Variants in CCDC38 observed in about 807,000 individuals in gnomAD.
CCDC38 encodes the protein coiled-coil domain-containing protein 38.
In CCDC38, 69 loss-of-function variants were observed where a neutral mutation model predicts 72.8. That is an observed-to-expected ratio of 0.95 (90% CI 0.78 to 1.16). The LOEUF (loss-of-function observed/expected upper bound fraction) is 1.16, where lower values mean the gene tolerates loss of function less well. Among genes scored for constraint, CCDC38 ranks in the 50% most tolerant of loss-of-function variants. The probability of loss-of-function intolerance (pLI) is 0.00; values close to 1 mark genes in which losing one functional copy is unlikely to be tolerated. For synonymous variants in CCDC38, 201 were observed against 213.2 expected (o/e 0.94, Z 0.50); for missense variants, 626 against 638.9 (o/e 0.98, Z 0.22).
intron 4 of CCDC38, among the ~76,000 whole-genome samples, chr12:95,914,987 G>A (rs1406340095): frequency 6.6e-6 from 1 of 152,132 alleles, no homozygotes; most frequent in Non-Finnish European, 1.5e-5. Context: ...AAGAATGAAA[G>A]TGCTTACTGT....
chr12:95,929,936 A>G (rs1213454451), intron 2 of CCDC38, among the ~76,000 whole-genome samples: 3 of 151,792 alleles, frequency 2.0e-5, no homozygotes, highest in African/African-American at 4.8e-5. Context: ...GATAATTCCA[A>G]CCTCTGCCTC....
intron 7 of CCDC38, chr12:95,896,433 A>C (rs566853833): frequency 4.6e-5 from 7 of 152,328 alleles, no homozygotes; most frequent in African/African-American, 1.7e-4. Flanking sequence ...CTTTATCTGA[A>C]AGATATCAAT....
chr12:95,894,383 T>C (rs2079863121), intron 8 of CCDC38, among the ~76,000 whole-genome samples: 1 of 152,208 alleles, frequency 6.6e-6, no homozygotes, highest in Non-Finnish European at 1.5e-5. Flanking sequence ...ATTTTCTCTT[T>C]CCCCATGCAT....
chr12:95,912,146 T>C (rs1271480923), intron 4 of CCDC38, among the ~76,000 whole-genome samples: 2 of 152,162 alleles, frequency 1.3e-5, no homozygotes, highest in Non-Finnish European at 2.9e-5. Flanking sequence ...TTCTCACTTA[T>C]AAGTGGGAGC....
chr12:95,912,093 C>T (rs1430114135), intron 4 of CCDC38, among the ~76,000 whole-genome samples: 1 of 152,178 alleles, frequency 6.6e-6, no homozygotes, highest in Non-Finnish European at 1.5e-5. Context: ...AAGTCATTCT[C>T]CTAAGTGAAT....
At chr12:95,867,791 C>T (rs969106733) in intron 15 of CCDC38, among the ~76,000 whole-genome samples, 1 of 152,072 alleles carries the variant, frequency 6.6e-6, no homozygotes, top group South Asian at 2.1e-4. Context: ...CCCTCCTCCA[C>T]TTTTTATTTT....
chr12:95,879,146 CT>C lies in CCDC38; in HGVS notation c.1142+497del, dbSNP rs1266394082. Among the ~76,000 whole-genome samples the C allele has an allele frequency of 6.6e-6, 1 of 152,164 alleles. No homozygotes were observed. Among genetic ancestry groups the C allele is most frequent in the African/African-American group, 2.4e-5 (1 of 41,440 alleles). On this transcript the variant is annotated intron_variant, in intron 12 of 15. Transcript: ENST00000344280. The surrounding 1 kb of genome is among the most constrained non-coding windows in gnomAD (Gnocchi z 5.5). ...TTTTGTGAGGGATCAAATCCAGCTG[CT>C]TTCCCCTGACAGAAATCCTTTCTAT...
intron 13 of CCDC38, among the ~76,000 whole-genome samples, chr12:95,872,902 A>T (rs1335386558): frequency 6.6e-6 from 1 of 152,232 alleles, no homozygotes; most frequent in Non-Finnish European, 1.5e-5. Flanking sequence ...ATCATTGAGA[A>T]AATGCAGCAG....
intron 11 of CCDC38, among the ~76,000 whole-genome samples, chr12:95,881,033 C>T (rs980143965): frequency 6.6e-6 from 1 of 151,980 alleles, no homozygotes; most frequent in Non-Finnish European, 1.5e-5. Flanking sequence ...TAATATACAA[C>T]AATGAATGGT....
chr12:95,912,898 A>G (rs77019378), intron 4 of CCDC38, among the ~76,000 whole-genome samples: 4,357 of 152,116 alleles, frequency 0.029, 75 homozygotes, highest in Non-Finnish European at 0.032. Flanking sequence ...TGTCTCTACA[A>G]AAATATACAA....
chr12:95,907,917 T>C (rs1260078746), intron 4 of CCDC38, among the ~76,000 whole-genome samples: 2 of 146,670 alleles, frequency 1.4e-5, no homozygotes, highest in Non-Finnish European at 3.0e-5. Context: ...ACTTCCTAGA[T>C]GGGATGGCGG....
intron 10 of CCDC38, among the ~76,000 whole-genome samples, chr12:95,884,093 A>G (rs2079730605): frequency 6.6e-6 from 1 of 152,254 alleles, no homozygotes; most frequent in Admixed American, 6.5e-5. Flanking sequence ...ATTGCAATAA[A>G]GCAAGAAAAA....
intron 2 of CCDC38, among the ~76,000 whole-genome samples, chr12:95,926,339 G>T (rs1375800239): frequency 1.3e-5 from 2 of 152,170 alleles, no homozygotes; most frequent in Admixed American, 1.3e-4. Context: ...AGAGGTGTTT[G>T]TAATATTCTC....
At chr12:95,911,488 C>T (rs1036224627) in intron 4 of CCDC38, among the ~76,000 whole-genome samples, 6 of 152,088 alleles carry the variant, frequency 3.9e-5, no homozygotes, top group African/African-American at 1.2e-4. Flanking sequence ...ATATTCGCAA[C>T]CTTTGTCAAA....
intron 2 of CCDC38, chr12:95,919,463 T>A (rs761669815): frequency 1.6e-5 from 7 of 450,564 alleles, no homozygotes; most frequent in Non-Finnish European, 2.7e-5. Context: ...TGCAGTTCGT[T>A]CACAAGGACT....
intron 2 of CCDC38, among the ~76,000 whole-genome samples, chr12:95,925,586 T>C (rs373569616): frequency 2.6e-5 from 4 of 152,088 alleles, no homozygotes; most frequent in African/African-American, 9.7e-5. Flanking sequence ...TGTTGAATAG[T>C]AGTGGTGAGA....
chr12:95,920,476 G>A (rs574387488), intron 2 of CCDC38, among the ~76,000 whole-genome samples: 15 of 152,218 alleles, frequency 9.9e-5, no homozygotes, highest in Admixed American at 3.3e-4. Flanking sequence ...ACTGATTAAC[G>A]ATAAACAAAA....
chr12:95,898,660 T>A lies in CCDC38; in HGVS notation c.441A>T (p.Leu147=), dbSNP rs376761099. 26 of 1,614,232 alleles carry A rather than the reference T, an allele frequency of 1.6e-5. No homozygotes were observed. In the South Asian group the frequency reaches 2.1e-4, roughly 13 times the overall value. Residue 147 remains leucine, a synonymous_variant, in exon 6 of 16, where the codon CTA becomes CTT. Transcript: ENST00000344280. ...EKDIAMRERQ[L]KKAEKKLQDD... is the part of the protein sequence containing the mutation. The stretch of plus-strand genomic sequence containing the variant: ...CTTGGAGCTTTTTCTCTGCTTTTTT[T>A]AGTTGCCGTTCCCTCATTGCTATGT...
intron 5 of CCDC38, 154 bp from the exon 6 acceptor site, chr12:95,898,885 T>C: frequency 2.6e-6 from 2 of 772,430 alleles, no homozygotes; most frequent in Admixed American, 2.9e-5. Flanking sequence ...AGTTTTATTT[T>C]CAGGGATAAT....
Sources: allele counts gnomAD v4.1 joint callset (sites outside exome capture counted in the v4.1 genomes callset), GRCh38; gene constraint gnomAD v4.1.1; non-coding constraint Gnocchi (gnomAD v3.1); transcripts MANE v1.5; gene names NCBI Gene and HGNC (gene_info 2026-07-23, HGNC 2026-07-21).